APPL1: variants seen among roughly 807,000 people sequenced by gnomAD.
The protein encoded by APPL1 is DCC-interacting protein 13-alpha.
In APPL1, 42 loss-of-function variants were observed where a neutral mutation model predicts 106.8. The ratio of observed to expected loss-of-function variants is 0.39; its 90% CI spans 0.31 to 0.51. The LOEUF (loss-of-function observed/expected upper bound fraction) is 0.51, where lower values mean the gene tolerates loss of function less well. APPL1 is among the 20% of genes least tolerant of loss of function. APPL1 has a pLI of 0.75. For missense variants in APPL1, 769 were observed against 858.2 expected (o/e 0.90, Z 1.30); for synonymous variants, 263 against 281.8 (o/e 0.93, Z 0.67).
intron 19 of APPL1, among the ~76,000 whole-genome samples, chr3:57,267,179 GT>G (rs1301644216): frequency 1.3e-5 from 2 of 152,100 alleles, no homozygotes; most frequent in East Asian, 3.9e-4. Flanking sequence ...TTTCATCAGT[GT>G]TTTGTAGTTT....
Position 57,227,823 on chromosome 3 carries a change from G to C in APPL1, c.-61G>C. ...GGCCGGGGTCAGCTGCGGCGGGCGG[G>C]CCGGCGCGGGGAGCTGTGGGCGGCA... On this transcript the variant is annotated 5_prime_UTR_variant, in exon 1 of 22. Transcript: ENST00000288266. 1 of 1,377,620 alleles carries C rather than the reference G, an allele frequency of 7.3e-7. No homozygotes were observed. Among genetic ancestry groups the C allele is most frequent in the Non-Finnish European group, 9.6e-7 (1 of 1,046,218 alleles). 85.3% of individuals were successfully genotyped at this position (1,377,620 alleles called of 1,614,324 possible).
rs114439970 is a variant in APPL1, at chr3:57,250,402, A to G, written c.1052+854A>G. On this transcript the variant is annotated intron_variant, in intron 11 of 21. Transcript: ENST00000288266. ...TGATCTTCCTGCTTTAGCCTCCCAA[A>G]GTGCTGGGATCATAGGCATGAGCCA... Among the ~76,000 whole-genome samples, 613 of 152,282 alleles carry G rather than the reference A, an allele frequency of 4.0e-3. 3 individuals carry two copies. Among genetic ancestry groups the G allele is most frequent in the African/African-American group, 0.014 (567 of 41,558 alleles).
At chr3:57,250,943 G>T (rs1395964074) in intron 11 of APPL1, among the ~76,000 whole-genome samples, 1 of 149,550 alleles carries the variant, frequency 6.7e-6, no homozygotes, top group Admixed American at 6.6e-5. Flanking sequence ...GAGTAGCTGG[G>T]ACTACAGGCG....
chr3:57,268,663 T>C, intron 21 of APPL1, 176 bp downstream of exon 21: 1 of 548,398 alleles, frequency 1.8e-6, no homozygotes, highest in South Asian at 5.4e-5. Flanking sequence ...TGATATGATG[T>C]TTACATTATA....
At chr3:57,236,022 A>G (rs1025969488) in intron 2 of APPL1, among the ~76,000 whole-genome samples, 6 of 149,408 alleles carry the variant, frequency 4.0e-5, no homozygotes, top group African/African-American at 1.2e-4. Flanking sequence ...TTACAATCTT[A>G]TGGAGCACTT....
chr3:57,234,379 G>A (rs1435769708), intron 1 of APPL1, among the ~76,000 whole-genome samples: 1 of 142,250 alleles, frequency 7.0e-6, no homozygotes, highest in East Asian at 2.1e-4. Flanking sequence ...CTCACTGCAA[G>A]CTCCGCCTCC....
At position 57,268,503 on chromosome 3, in the gene APPL1, G is replaced by T; in HGVS notation, c.1983+16G>T. ...GATTGAAAAGGTATACAGTCCTAAT[G>T]TCTGGATCTTTATGTGTTGTTTGTG... On this transcript the variant is annotated intron_variant, in intron 21 of 21. Coordinates refer to ENST00000288266, the MANE Select transcript of APPL1 (RefSeq NM_012096.3). 6.4e-7 allele frequency: 1 copy of T among 1,569,370 alleles called. No homozygotes were observed. Among genetic ancestry groups the T allele is most frequent in the Non-Finnish European group, 8.6e-7 (1 of 1,163,612 alleles).
rs983821830 is a variant in APPL1 at position 57,227,831 on chromosome 3, G to A, written c.-53G>A. 9.9e-6 allele frequency: 14 copies of A among 1,412,918 alleles called. No homozygotes were observed. The African/African-American group carries it at 2.1e-4, about 21-fold the overall frequency. The allele number at this position is 1,412,918 out of a possible 1,614,324, so 87.5% of individuals were successfully genotyped here. ...TCAGCTGCGGCGGGCGGGCCGGCGC[G>A]GGGAGCTGTGGGCGGCAGCTGCGTC... On this transcript the variant is annotated 5_prime_UTR_variant, in exon 1 of 22. Transcript: ENST00000288266.
At chr3:57,230,393 T>TG (rs2060680412) in intron 1 of APPL1, among the ~76,000 whole-genome samples, 1 of 152,168 alleles carries the variant, frequency 6.6e-6, no homozygotes, top group Admixed American at 6.5e-5. Flanking sequence ...AATTACCTGT[T>TG]GGTTACCCAG....
rs1353279858 is a variant in APPL1 at position 57,260,735 on chromosome 3, A to G, written c.1803A>G (p.Ser601=). The part of the protein sequence containing the change: ...SSGRSESNLS[S]VCYIFESNNE... ...GGAGAAGTGAAAGTAATCTGTCATCAGTCTGCTATATATTTGAGTCAAACA... is the reference window on the plus strand; with the variant it reads ...GGAGAAGTGAAAGTAATCTGTCATCGGTCTGCTATATATTTGAGTCAAACA... Residue 601 remains serine, a synonymous_variant, in exon 19 of 22, where the codon TCA becomes TCG. Transcript: ENST00000288266. The G allele has an allele frequency of 2.5e-6, 4 of 1,611,810 alleles. No individual in the cohort carries two copies. The highest frequency in any genetic ancestry group is 1.3e-5 in the African/African-American group (1 of 74,884).
Position 57,268,505 on chromosome 3 carries a change from C to T in APPL1, c.1983+18C>T. ...TTGAAAAGGTATACAGTCCTAATGT[C>T]TGGATCTTTATGTGTTGTTTGTGAA... is the stretch of plus-strand genomic sequence containing the variant. On this transcript the variant is annotated intron_variant, in intron 21 of 21. Coordinates refer to ENST00000288266, the MANE Select transcript of APPL1 (RefSeq NM_012096.3). 6.4e-7 allele frequency: 1 copy of T among 1,563,002 alleles called. No individual in the cohort carries two copies. The highest frequency in any genetic ancestry group is 8.6e-7 in the Non-Finnish European group (1 of 1,160,180).
chr3:57,246,170 AC>A lies in APPL1; in HGVS notation c.570del (p.Tyr190Ter). The A allele has an allele frequency of 6.2e-7, 1 of 1,611,608 alleles. No homozygotes were observed. Among genetic ancestry groups the A allele is most frequent in the Non-Finnish European group, 8.5e-7 (1 of 1,178,956 alleles). On this transcript the variant is annotated frameshift_variant, in exon 8 of 22. Transcript: ENST00000288266. LOFTEE classifies it high-confidence loss of function. ...TTTTGTGCATTAAATACTCTTCAGT[AC>A]AAGAAGAAAATAGCATTGTTAGAAC... ...HYFCALNTLQ[Y>X]KKKIALLEPL...
intron 10 of APPL1, 46 bp downstream of exon 10, chr3:57,248,397 C>A (rs950865767): frequency 6.4e-7 from 1 of 1,559,398 alleles, no homozygotes; most frequent in Non-Finnish European, 8.7e-7. Flanking sequence ...TCATGTAAGA[C>A]AATACCAAAT....
intron 16 of APPL1, 107 bp downstream of exon 16, chr3:57,259,187 T>C (rs775930241): frequency 6.7e-5 from 60 of 890,238 alleles, no homozygotes; most frequent in Non-Finnish European, 9.2e-5. Flanking sequence ...TTTAATGCTA[T>C]CTTTACTTCA....
chr3:57,238,045 C>A lies in APPL1; in HGVS notation c.214C>A (p.Arg72Ser), dbSNP rs201654453. ...SKLLKEYEKQ[R>S]FPLGGDDEVM... The stretch of plus-strand genomic sequence containing the variant: ...ACCTCATCTGTTTCTTGCTTTTCAG[C>A]GTTTTCCATTGGGAGGTGATGATGA... The change falls in exon 4 of 22, where the codon CGT becomes AGT. Residue 72 changes from arginine to serine, a missense_variant and splice_region_variant. Arg to Ser is a moderately radical substitution (Grantham distance 110). Transcript: ENST00000288266. The A allele has an allele frequency of 5.0e-6, 8 of 1,606,746 alleles. No homozygotes were observed. Among genetic ancestry groups the A allele is most frequent in the Non-Finnish European group, 6.8e-6 (8 of 1,176,830 alleles).
At chr3:57,247,700 C>T (rs1295868868) in intron 9 of APPL1, among the ~76,000 whole-genome samples, 1 of 152,084 alleles carries the variant, frequency 6.6e-6, no homozygotes, top group East Asian at 1.9e-4. Flanking sequence ...ATTGATTCTA[C>T]ACTCAGTTTT....
chr3:57,247,410 A>C lies in APPL1; in HGVS notation c.637A>C (p.Met213Leu), dbSNP rs548416830. The change falls in exon 9 of 22, where the codon ATG (methionine) becomes CTG (leucine). Residue 213 changes from methionine to leucine, a missense_variant. Transcript: ENST00000288266. The stretch of plus-strand genomic sequence containing the variant: ...CACTCTCCAGATAAGTTTCTTTAAG[A>C]TGGGTTCTGAAAATCTTAATGAACA... Reference protein sequence around the residue: ...YMQAQISFFKMGSENLNEQLE... With the variant: ...YMQAQISFFKLGSENLNEQLE... The C allele has an allele frequency of 8.7e-6, 14 of 1,609,632 alleles. No homozygotes were observed. In the East Asian group the frequency reaches 2.0e-4, roughly 23 times the overall value.
rs1190095047 is a variant in APPL1 at position 57,228,704 on chromosome 3, G to A, written c.54+767G>A. 6.6e-6 allele frequency among the ~76,000 whole-genome samples: 1 copy of A among 152,232 alleles called. No individual in the cohort carries two copies. Among genetic ancestry groups the A allele is most frequent in the Non-Finnish European group, 1.5e-5 (1 of 68,038 alleles). On this transcript the variant is annotated intron_variant, in intron 1 of 21. Coordinates refer to ENST00000288266, the MANE Select transcript of APPL1 (RefSeq NM_012096.3). This position sits in a 1 kb window ranked among gnomAD's most constrained non-coding sequence, Gnocchi z 4.6. ...AATGTAACCATTTAATATGTTTTCA[G>A]TACTGCAGAATGAAAGCAGCTATAT... is the stretch of plus-strand genomic sequence containing the variant.
rs1476235053 is a variant in APPL1, at chr3:57,247,472, TC to T, written c.700del (p.Gln234ArgfsTer11). ...TTTTAGCTAATATTGGAACAAGCGT[TC>T]AGAAGTAAGTATTTTTTTCCTTAAA... is the stretch of plus-strand genomic sequence containing the variant. ...EFLANIGTSV[Q>X]NVRREMDSDI... is the part of the protein sequence containing the mutation. On this transcript the variant is annotated frameshift_variant, in exon 9 of 22. Coordinates refer to ENST00000288266, the MANE Select transcript of APPL1 (RefSeq NM_012096.3). LOFTEE classifies it high-confidence loss of function. The T allele has an allele frequency of 6.3e-7, 1 of 1,589,158 alleles. No individual in the cohort carries two copies. Among genetic ancestry groups the T allele is most frequent in the Non-Finnish European group, 8.6e-7 (1 of 1,159,258 alleles).
Sources: allele counts gnomAD v4.1 joint callset (sites outside exome capture counted in the v4.1 genomes callset), GRCh38; gene constraint gnomAD v4.1.1; non-coding constraint Gnocchi (gnomAD v3.1); transcripts MANE v1.5; gene names NCBI Gene and HGNC (gene_info 2026-07-23, HGNC 2026-07-21).